Variants in AMDHD2 observed in about 807,000 individuals in gnomAD.
The protein encoded by AMDHD2 is N-acetylglucosamine-6-phosphate deacetylase.
AMDHD2 carries 24 observed loss-of-function variants against 41.8 expected under a neutral mutation model. The observed-to-expected ratio is 0.57, with a 90% CI of 0.42 to 0.81. The LOEUF (loss-of-function observed/expected upper bound fraction) is 0.81, where lower values mean the gene tolerates loss of function less well. Among genes scored for constraint, AMDHD2 ranks in the 30% least tolerant of loss-of-function variants. AMDHD2 has a pLI of 0.00. For missense variants in AMDHD2, 540 were observed against 588.5 expected (o/e 0.92, Z 0.85); for synonymous variants, 332 against 255.5 (o/e 1.30, Z -2.85).
chr16:2,530,581 C>T lies in AMDHD2; in HGVS notation c.*1018C>T, dbSNP rs563584391. 2.5e-6 allele frequency: 4 copies of T among 1,614,210 alleles called. No homozygotes were observed. Among genetic ancestry groups the T allele is most frequent in the South Asian group, 1.1e-5 (1 of 91,092 alleles). ...GGGTGGCTCCCTTCCCCCTTGCTTA[C>T]AGGTGCTGTCCTGGGCACAGGAGGT... On this transcript the variant is annotated 3_prime_UTR_variant, in exon 11 of 11. Transcript: ENST00000293971.
rs1324036379 is a variant in AMDHD2 at position 2,521,104 on chromosome 16, C to T, written c.341C>T (p.Pro114Leu). The part of the protein sequence containing the change: ...TSFCPTLVTS[P>L]PEVYHKVVPQ... ...TTCTGCCCCACCCTGGTCACTTCCC[C>T]ACCGGAGGTTTATCACAAGGTGAGG... The change falls in exon 3 of 11, where the codon CCA (proline) becomes CTA (leucine). Residue 114 changes from proline to leucine, a missense_variant. Pro to Leu is a moderately conservative substitution (Grantham distance 98, BLOSUM62 -3). Transcript: ENST00000293971. The T allele has an allele frequency of 2.5e-6, 4 of 1,590,414 alleles. No homozygotes were observed. The highest frequency in any genetic ancestry group is 3.4e-6 in the Non-Finnish European group (4 of 1,163,942).
intron 10 of AMDHD2, 149 bp from the exon 11 acceptor site, chr16:2,529,326 C>G: frequency 4.6e-6 from 6 of 1,299,166 alleles, no homozygotes; most frequent in Non-Finnish European, 5.4e-6. Context: ...TCCAGTACCT[C>G]TGTCCATCTG....
chr16:2,527,209 C>A lies in AMDHD2; in HGVS notation c.361-352C>A. 4.9e-6 allele frequency: 2 copies of A among 408,132 alleles called. No individual in the cohort carries two copies. The highest frequency in any genetic ancestry group is 8.9e-6 in the Non-Finnish European group (2 of 224,332). The allele number at this position is 408,132 out of a possible 1,614,324, so 25.3% of individuals were successfully genotyped here. Reference sequence around the variant, plus strand: ...GACCACACACAGTGCTGAGCCCTGGCCATGCCCACACTGAGCTCTGCCCCA... The same window carrying A: ...GACCACACACAGTGCTGAGCCCTGGACATGCCCACACTGAGCTCTGCCCCA... On this transcript the variant is annotated intron_variant, in intron 3 of 10. Transcript: ENST00000293971. The surrounding 1 kb of genome is among the most constrained non-coding windows in gnomAD (Gnocchi z 6.1).
intron 3 of AMDHD2, among the ~76,000 whole-genome samples, chr16:2,526,911 CAA>C (rs773241543): frequency 6.6e-5 from 10 of 152,060 alleles, no homozygotes; most frequent in Admixed American, 2.0e-4. Context: ...GCCTGGGCGA[CAA>C]GAGGGAAACT....
chr16:2,526,652 C>T (rs559907961), intron 3 of AMDHD2, among the ~76,000 whole-genome samples: 10 of 152,002 alleles, frequency 6.6e-5, no homozygotes, highest in African/African-American at 1.7e-4. Context: ...AAAGTCTTAC[C>T]GTTGGCCAGG....
rs1567135447 is a variant in AMDHD2, at chr16:2,530,976, C to T, written c.*1413C>T. ...GAGAGGAGCTGTCTTGCCAGGGCTC[C>T]CAGGCAGGGAGAGGCAGGTGAGGTT... On this transcript the variant is annotated 3_prime_UTR_variant, in exon 11 of 11. Transcript: ENST00000293971. The T allele has an allele frequency of 1.2e-6, 2 of 1,613,336 alleles. No homozygotes were observed. Among genetic ancestry groups the T allele is most frequent in the Admixed American group, 1.7e-5 (1 of 59,998 alleles).
chr16:2,529,494 C>T lies in AMDHD2; in HGVS notation c.1161C>T (p.Asp387=). The part of the protein sequence containing the change: ...GADADFVVLD[D]SLHVQATYIS... ...TCCCAGACTTCGTGGTGCTCGACGA[C>T]TCCCTTCACGTCCAGGCCACCTACA... is the stretch of plus-strand genomic sequence containing the variant. Residue 387 remains aspartate, a synonymous_variant, in exon 11 of 11, where the codon GAC becomes GAT. Transcript: ENST00000293971. 1 of 1,611,472 alleles carries T rather than the reference C, an allele frequency of 6.2e-7. No homozygotes were observed. Among genetic ancestry groups the T allele is most frequent in the Non-Finnish European group, 8.5e-7 (1 of 1,179,986 alleles).
rs1567131171 is a variant in AMDHD2, at chr16:2,527,620, G to A, written c.415+5G>A. 6.2e-7 allele frequency: 1 copy of A among 1,611,290 alleles called. No homozygotes were observed. On this transcript the variant is annotated splice_donor_5th_base_variant and intron_variant, in intron 4 of 10. Transcript: ENST00000293971. This position sits in a 1 kb window ranked among gnomAD's most constrained non-coding sequence, Gnocchi z 6.1. Reference sequence around the variant, plus strand: ...CCCATGGGGCAGGGGTCCTCGGTGAGTGGCTGACCTCCTCCCCGCCCCCAC... The same window carrying A: ...CCCATGGGGCAGGGGTCCTCGGTGAATGGCTGACCTCCTCCCCGCCCCCAC...
chr16:2,521,770 T>C (rs1161573129), intron 3 of AMDHD2, among the ~76,000 whole-genome samples: 1 of 150,868 alleles, frequency 6.6e-6, no homozygotes, highest in Non-Finnish European at 1.5e-5. Flanking sequence ...CATGCTTTTT[T>C]TTTTTGTTTA....
In AMDHD2 at chr16:2,528,274, C is replaced by CAGCG; in HGVS notation, c.758_761dup (p.Asp254GlufsTer119). The CAGCG allele has an allele frequency of 6.2e-7, 1 of 1,612,482 alleles. No individual in the cohort carries two copies. The highest frequency in any genetic ancestry group is 1.1e-5 in the South Asian group (1 of 91,084). On this transcript the variant is annotated frameshift_variant, in exon 7 of 11. Coordinates refer to ENST00000293971, the MANE Select transcript of AMDHD2 (RefSeq NM_001330449.2). LOFTEE classifies it high-confidence loss of function. ...ACCCAGGCATCGTGGGGCTCCTGAC[C>CAGCG]AGCGACCGGCTGCCCGCAGGCCGCT...
chr16:2,525,780 G>A (rs1166855304), intron 3 of AMDHD2, among the ~76,000 whole-genome samples: 2 of 152,120 alleles, frequency 1.3e-5, no homozygotes, highest in African/African-American at 2.4e-5. Context: ...TCCTGACCTC[G>A]TGATCCGCCT....
chr16:2,530,576 G>C lies in AMDHD2; in HGVS notation c.*1013G>C. 6.2e-7 allele frequency: 1 copy of C among 1,614,180 alleles called. No individual in the cohort carries two copies. Among genetic ancestry groups the C allele is most frequent in the Non-Finnish European group, 8.5e-7 (1 of 1,180,008 alleles). On this transcript the variant is annotated 3_prime_UTR_variant, in exon 11 of 11. Coordinates refer to ENST00000293971, the MANE Select transcript of AMDHD2 (RefSeq NM_001330449.2). ...GGGGTGGGTGGCTCCCTTCCCCCTTGCTTACAGGTGCTGTCCTGGGCACAG... is the reference window on the plus strand; with the variant it reads ...GGGGTGGGTGGCTCCCTTCCCCCTTCCTTACAGGTGCTGTCCTGGGCACAG...
In AMDHD2 at chr16:2,528,957, G is replaced by A. The variant is rs752690827; in HGVS notation, c.1040-37G>A. On this transcript the variant is annotated intron_variant, in intron 9 of 10. Coordinates refer to ENST00000293971, the MANE Select transcript of AMDHD2 (RefSeq NM_001330449.2). ...GGGGGCTGTTGGCAAAGCCATGTGGGCTTGGGGACTGTCACCTAGCTGTGT... is the reference window on the plus strand; with the variant it reads ...GGGGGCTGTTGGCAAAGCCATGTGGACTTGGGGACTGTCACCTAGCTGTGT... The A allele has an allele frequency of 5.2e-6, 8 of 1,551,052 alleles. No homozygotes were observed. The East Asian group carries it at 9.6e-5, about 19-fold the overall frequency.
Position 2,530,903 on chromosome 16 carries a change from G to C in AMDHD2, c.*1340G>C. On this transcript the variant is annotated 3_prime_UTR_variant, in exon 11 of 11. Coordinates refer to ENST00000293971, the MANE Select transcript of AMDHD2 (RefSeq NM_001330449.2). ...TACCCACCTCTGCCTTGACGGCCGC[G>C]CACCCCTTAGGAAGTGGCTGTCCAG... is the stretch of plus-strand genomic sequence containing the variant. The C allele has an allele frequency of 1.9e-6, 3 of 1,613,458 alleles. No individual in the cohort carries two copies. The highest frequency in any genetic ancestry group is 1.3e-5 in the African/African-American group (1 of 75,026).
Position 2,529,882 on chromosome 16 carries a change from T to G in AMDHD2, c.*319T>G. On this transcript the variant is annotated 3_prime_UTR_variant, in exon 11 of 11. Transcript: ENST00000293971. ...CAGTGGGGGACAGGGCCTGTCTGCA[T>G]GAAGTGGACCGGAGACCTGCAGACC... 8.2e-7 allele frequency: 1 copy of G among 1,225,462 alleles called. No homozygotes were observed. The highest frequency in any genetic ancestry group is 2.6e-5 in the East Asian group (1 of 38,340). The allele number at this position is 1,225,462 out of a possible 1,614,324, so 75.9% of individuals were successfully genotyped here. A position where few individuals can be genotyped will look rare whatever the true frequency, so the allele number is the denominator to read the frequency against.
Position 2,527,879 on chromosome 16 carries a change from C to T in AMDHD2, c.522C>T (p.Thr174=), listed in dbSNP as rs912980786. 5.6e-6 allele frequency: 9 copies of T among 1,596,542 alleles called. No individual in the cohort carries two copies. In the Admixed American group the frequency reaches 1.2e-4, roughly 21 times the overall value. The part of the protein sequence containing the change: ...EADAFQDLLA[T]YGPLDNVRIV... ...ATGCCTTCCAGGACTTGCTGGCCAC[C>T]TACGGGCCCCTGGACAATGTCCGCA... The change falls in exon 5 of 11, where the codon ACC becomes ACT. Residue 174 remains threonine (T), a synonymous_variant. Transcript: ENST00000293971. This position sits in a 1 kb window ranked among gnomAD's most constrained non-coding sequence, Gnocchi z 6.1.
rs1020924360 is a variant in AMDHD2 at position 2,529,068 on chromosome 16, G to A, written c.1114G>A (p.Gly372Arg). The A allele has an allele frequency of 1.9e-6, 3 of 1,596,580 alleles. No individual in the cohort carries two copies. The highest frequency in any genetic ancestry group is 2.6e-6 in the Non-Finnish European group (3 of 1,172,360). Reference sequence around the variant, plus strand: ...GTTGCTGGGGCTGGAGAAGAGTAAGGGGACCCTGGACTTTGGTGCTGACGC... The same window carrying A: ...GTTGCTGGGGCTGGAGAAGAGTAAGAGGACCCTGGACTTTGGTGCTGACGC... The part of the protein sequence containing the change: ...AQLLGLEKSK[G>R]TLDFGADADF... Residue 372 changes from glycine (G) to arginine (R), a missense_variant, in exon 10 of 11, where the codon GGG becomes AGG. By Grantham distance (125) the Gly-to-Arg change is moderately radical. Transcript: ENST00000293971.
intron 10 of AMDHD2, 58 bp downstream of exon 10, chr16:2,529,153 T>C (rs1196259765): frequency 1.4e-6 from 2 of 1,450,968 alleles, no homozygotes; most frequent in Non-Finnish European, 1.8e-6. Context: ...ACTCTGTTGT[T>C]CCTGGGGCGG....
chr16:2,528,818 A>T, intron 9 of AMDHD2, 100 bp downstream of exon 9: 2 of 1,572,086 alleles, frequency 1.3e-6, no homozygotes, highest in Non-Finnish European at 1.7e-6. Flanking sequence ...CTCTGCCCAC[A>T]GGAGCTCCTG....
Sources: allele counts gnomAD v4.1 joint callset (sites outside exome capture counted in the v4.1 genomes callset), GRCh38; gene constraint gnomAD v4.1.1; non-coding constraint Gnocchi (gnomAD v3.1); transcripts MANE v1.5; gene names NCBI Gene and HGNC (gene_info 2026-07-23, HGNC 2026-07-21).